KIF1B: variants seen among roughly 807,000 people sequenced by gnomAD.
KIF1B encodes the protein kinesin-like protein KIF1B.
In KIF1B, 76 loss-of-function variants were observed where a neutral mutation model predicts 241.9. The ratio of observed to expected loss-of-function variants is 0.31; its 90% confidence interval spans 0.26 to 0.38. The LOEUF (loss-of-function observed/expected upper bound fraction) is 0.38, where lower values mean the gene tolerates loss of function less well. Among genes scored for constraint, KIF1B ranks in the 10% least tolerant of loss-of-function variants. KIF1B has a pLI of 1.00. For missense variants in KIF1B, 1,622 were observed against 2,271.4 expected, an observed-to-expected ratio of 0.71 and a Z score of 5.81; for synonymous variants, 750 against 796.7, an observed-to-expected ratio of 0.94 and a Z score of 0.99.
intron 6 of KIF1B, among the ~76,000 whole-genome samples, chr1:10,267,832 A>G (rs1220066401): frequency 6.6e-6 from 1 of 152,230 alleles, no homozygotes; most frequent in African/African-American, 2.4e-5. Flanking sequence ...TCATGTATAT[A>G]TGCGGCTGTG....
chr1:10,211,180 C>T (rs1277978639), intron 1 of KIF1B, among the ~76,000 whole-genome samples: 1 of 152,228 alleles, frequency 6.6e-6, no homozygotes, highest in African/African-American at 2.4e-5. Context: ...CCCGCCGCTG[C>T]CTGGCCGTTC....
At position 10,282,371 on chromosome 1, in the gene KIF1B, G is replaced by A. The variant is rs1481937543; in HGVS notation, c.1272G>A (p.Glu424=). Residue 424 remains glutamate, a synonymous_variant, in exon 15 of 49, where the codon GAG becomes GAA. Coordinates refer to ENST00000676179, the MANE Select transcript of KIF1B (RefSeq NM_001365951.3). ...NNKHRYLLAS[E]NQRPGHFSTA... Reference sequence around the variant, plus strand: ...AGCATAGATACTTGCTAGCCTCTGAGAATCAACGCCCTGGCCATTTTTCCA... The same window carrying A: ...AGCATAGATACTTGCTAGCCTCTGAAAATCAACGCCCTGGCCATTTTTCCA... 3 of 1,614,004 alleles carry A rather than the reference G, an allele frequency of 1.9e-6. No individual in the cohort carries two copies.
chr1:10,356,481 A>G (rs1414877036), intron 38 of KIF1B, among the ~76,000 whole-genome samples: 1 of 152,194 alleles, frequency 6.6e-6, no homozygotes, highest in Non-Finnish European at 1.5e-5. Flanking sequence ...TAATGAACTC[A>G]AAAGGGTTCA....
At chr1:10,255,563 T>C (rs1647725741) in intron 2 of KIF1B, among the ~76,000 whole-genome samples, 1 of 152,036 alleles carries the variant, frequency 6.6e-6, no homozygotes, top group African/African-American at 2.4e-5. Flanking sequence ...GCACTCCAGC[T>C]TGGGGAATAG....
At chr1:10,363,463 G>A (rs771330863) in intron 41 of KIF1B, 119 bp downstream of exon 41, 7 of 827,328 alleles carry the variant, frequency 8.5e-6, no homozygotes, top group South Asian at 5.5e-5. Context: ...AGGCCAAGGC[G>A]GGTGGATCAC....
intron 37 of KIF1B, among the ~76,000 whole-genome samples, chr1:10,350,498 G>C (rs1160443611): frequency 6.6e-6 from 1 of 152,080 alleles, no homozygotes; most frequent in Non-Finnish European, 1.5e-5. Flanking sequence ...GGCGGAGCTT[G>C]CAGTGAGCCA....
At chr1:10,352,122 A>T (rs1317149993) in intron 37 of KIF1B, among the ~76,000 whole-genome samples, 1 of 144,398 alleles carries the variant, frequency 6.9e-6, no homozygotes, top group Non-Finnish European at 1.5e-5. Flanking sequence ...GGAACAGGGG[A>T]GGTGTGAATA....
At chr1:10,220,404 TAGATAGATA>T (rs1557644239) in intron 1 of KIF1B, among the ~76,000 whole-genome samples, 4 of 132,368 alleles carry the variant, frequency 3.0e-5, no homozygotes, top group East Asian at 2.4e-4. Flanking sequence ...AGATGATAGA[TAGATAGATA>T]GATAGATAGA....
intron 37 of KIF1B, among the ~76,000 whole-genome samples, chr1:10,349,360 G>C (rs1258608070): frequency 6.6e-6 from 1 of 152,036 alleles, no homozygotes; most frequent in Non-Finnish European, 1.5e-5. Flanking sequence ...GCTTGAACTT[G>C]GGAGGTGGAG....
intron 39 of KIF1B, among the ~76,000 whole-genome samples, 198 bp from the exon 40 acceptor site, chr1:10,361,494 G>A (rs1638421178): frequency 6.6e-6 from 1 of 152,122 alleles, no homozygotes; most frequent in Non-Finnish European, 1.5e-5. Flanking sequence ...ATTTACCTCA[G>A]ATAAAAATAA....
Position 10,322,674 on chromosome 1 carries a change from G to A in KIF1B, c.2358+817G>A, listed in dbSNP as rs138075648. 7.3e-4 allele frequency among the ~76,000 whole-genome samples: 111 copies of A among 152,110 alleles called. 1 individual carries two copies. In the East Asian group the frequency reaches 0.019, roughly 25 times the overall value. ...TCCTAGAACTAAATTCTAGTTTTAG[G>A]GAATACGATATGTTCTTCATTCATA... On this transcript the variant is annotated intron_variant, in intron 24 of 48. Coordinates refer to ENST00000676179, the MANE Select transcript of KIF1B (RefSeq NM_001365951.3).
intron 5 of KIF1B, among the ~76,000 whole-genome samples, chr1:10,265,477 C>A (rs1348550042): frequency 2.6e-5 from 4 of 152,118 alleles, no homozygotes; most frequent in African/African-American, 4.8e-5. Context: ...CTCAAGCAAT[C>A]TGCCCACCTT....
chr1:10,374,534 C>T lies in KIF1B; in HGVS notation c.5096+69C>T, dbSNP rs1233362616. On this transcript the variant is annotated intron_variant, in intron 46 of 48. Coordinates refer to ENST00000676179, the MANE Select transcript of KIF1B (RefSeq NM_001365951.3). This position sits in a 1 kb window ranked among gnomAD's most constrained non-coding sequence, Gnocchi z 4.3. ...TCCACAGGAAGAAGTGACTGGCCAG[C>T]TCTTCCCTGTGAGGTCTGTACTGTA... 6 of 1,527,514 alleles carry T rather than the reference C, an allele frequency of 3.9e-6. No individual in the cohort carries two copies. The African/African-American group carries it at 5.5e-5, about 14-fold the overall frequency. 94.6% of individuals were successfully genotyped at this position (1,527,514 alleles called of 1,614,324 possible).
In KIF1B at chr1:10,380,019, A is replaced by G. The variant is rs187082038; in HGVS notation, c.*3432A>G. The G allele has an allele frequency of 3.5e-5, 8 of 229,242 alleles. No individual in the cohort carries two copies. The East Asian group carries it at 4.4e-4, about 12-fold the overall frequency. The allele number at this position is 229,242 out of a possible 1,614,324, so 14.2% of individuals were successfully genotyped here. ...ATATTTTTTCCCTTCAGTCACATAG[A>G]CTTCAGACAACTCTCCTATTTTTTA... On this transcript the variant is annotated 3_prime_UTR_variant, in exon 49 of 49. Transcript: ENST00000676179.
Position 10,296,960 on chromosome 1 carries a change from C to G in KIF1B, c.1925C>G (p.Ala642Gly). ...TTTAACCACCCGGAACAAGCACGAGCTGAGCGAGAGAAGACTCCTTCTGCT... is the reference window on the plus strand; with the variant it reads ...TTTAACCACCCGGAACAAGCACGAGGTGAGCGAGAGAAGACTCCTTCTGCT... ...FRFNHPEQAR[A>G]EREKTPSAET... The change falls in exon 21 of 49, where the codon GCT (alanine) becomes GGT (glycine). Residue 642 changes from alanine (A) to glycine (G), a missense_variant. Coordinates refer to ENST00000676179, the MANE Select transcript of KIF1B (RefSeq NM_001365951.3). 6.2e-7 allele frequency: 1 copy of G among 1,614,088 alleles called. No homozygotes were observed.
intron 1 of KIF1B, among the ~76,000 whole-genome samples, chr1:10,214,298 T>TCTTTC (rs202121927): frequency 1.3e-5 from 2 of 151,728 alleles, no homozygotes; most frequent in Non-Finnish European, 2.9e-5. Flanking sequence ...TTTCTTTCTT[T>TCTTTC]TTTTTTTTTA....
chr1:10,213,975 C>CAA (rs112027662), intron 1 of KIF1B, among the ~76,000 whole-genome samples: 16 of 142,694 alleles, frequency 1.1e-4, no homozygotes, highest in Non-Finnish European at 2.2e-4. Context: ...CCATCTCTAC[C>CAA]AAAAAAAAAA....
In KIF1B at chr1:10,352,664, C is replaced by T. The variant is rs771034641; in HGVS notation, c.3983C>T (p.Ala1328Val). The T allele has an allele frequency of 3.1e-6, 5 of 1,613,952 alleles. No homozygotes were observed. Among genetic ancestry groups the T allele is most frequent in the Non-Finnish European group, 4.2e-6 (5 of 1,179,900 alleles). ...RIRNKPEVDE[A>V]AVDAILSLNI... Reference sequence around the variant, plus strand: ...CGGAATAAGCCTGAGGTGGATGAAGCTGCAGTTGATGCCATCCTCTCCCTA... The same window carrying T: ...CGGAATAAGCCTGAGGTGGATGAAGTTGCAGTTGATGCCATCCTCTCCCTA... Residue 1328 changes from alanine to valine, a missense_variant, in exon 38 of 49, where the codon GCT becomes GTT. Physicochemically the swap from Ala to Val is moderately conservative, Grantham distance 64. Around this residue, in one of 7 missense-constraint regions of KIF1B, gnomAD observed 803 missense variants for 1,112.0 expected, o/e 0.72. Coordinates refer to ENST00000676179, the MANE Select transcript of KIF1B (RefSeq NM_001365951.3).
intron 1 of KIF1B, among the ~76,000 whole-genome samples, chr1:10,218,720 C>T (rs183723092): frequency 4.3e-4 from 65 of 152,266 alleles, no homozygotes; most frequent in Non-Finnish European, 6.5e-4. Flanking sequence ...GATGCCCAGC[C>T]GATCTTTATG....
Sources: allele counts gnomAD v4.1 joint callset (sites outside exome capture counted in the v4.1 genomes callset), GRCh38; gene constraint gnomAD v4.1.1; regional missense constraint gnomAD v4.1.1; non-coding constraint Gnocchi (gnomAD v3.1); transcripts MANE v1.5; gene names NCBI Gene and HGNC (gene_info 2026-07-23, HGNC 2026-07-21).